The following TIAM2 variants were observed in gnomAD, a reference collection of about 807,000 sequenced individuals.
The protein encoded by TIAM2 is TIAM Rac1 associated GEF 2.
TIAM2 carries 80 observed loss-of-function variants against 152.9 expected under a neutral mutation model. The ratio of observed to expected loss-of-function variants is 0.52; its 90% confidence interval spans 0.44 to 0.63. TIAM2 has a LOEUF of 0.63. Ranked by LOEUF, TIAM2 falls within the 30% of genes least tolerant of loss-of-function variation. The probability of loss-of-function intolerance (pLI) is 0.00; values close to 1 mark genes in which losing one functional copy is unlikely to be tolerated. For missense variants in TIAM2, 1,965 were observed against 2,120.1 expected, an observed-to-expected ratio of 0.93 and a Z score of 1.44; for synonymous variants, 804 against 838.0, an observed-to-expected ratio of 0.96 and a Z score of 0.70.
intron 9 of TIAM2, among the ~76,000 whole-genome samples, chr6:155,169,210 T>C (rs1780516461): frequency 6.6e-6 from 1 of 152,136 alleles, no homozygotes; most frequent in African/African-American, 2.4e-5. Flanking sequence ...TTAGCCACGA[T>C]GGTCTCGATC....
At chr6:155,149,827 G>A (rs1425168889) in intron 7 of TIAM2, among the ~76,000 whole-genome samples, 1 of 151,950 alleles carries the variant, frequency 6.6e-6, no homozygotes, top group African/African-American at 2.4e-5. Context: ...GGAAGCTGAG[G>A]CAGGAGAATC....
At chr6:155,087,901 C>T (rs947336781) in intron 1 of TIAM2, among the ~76,000 whole-genome samples, 18 of 101,758 alleles carry the variant, frequency 1.8e-4, no homozygotes, top group African/African-American at 7.0e-4. Flanking sequence ...CTAATTATGT[C>T]GCCTTGGTCA....
At chr6:155,141,684 G>T (rs898217986) in intron 5 of TIAM2, among the ~76,000 whole-genome samples, 17 of 152,150 alleles carry the variant, frequency 1.1e-4, no homozygotes, top group African/African-American at 4.1e-4. Context: ...AGTTGGCAAG[G>T]TCATTAAACA....
intron 1 of TIAM2, among the ~76,000 whole-genome samples, chr6:155,025,821 A>ACAC (rs1776589501): frequency 7.6e-6 from 1 of 131,782 alleles, no homozygotes; most frequent in African/African-American, 2.9e-5. Flanking sequence ...CTCCCCCTCA[A>ACAC]ACACACACAC....
At chr6:155,253,540 GTGA>G (rs1248209605) in intron 24 of TIAM2, 1 of 175,638 alleles carries the variant, frequency 5.7e-6, no homozygotes, top group East Asian at 1.7e-4. Flanking sequence ...GAGTCATGCA[GTGA>G]CCTGCTGGGC....
In TIAM2 at chr6:155,139,015, C is replaced by T. The variant is rs575712265; in HGVS notation, c.1630+1403C>T. ...TATGCAGATGCACCCAGAGCGGCCT[C>T]GCAGCCTCTGGCATTCTGCACAGCC... On this transcript the variant is annotated intron_variant, in intron 5 of 26. Coordinates refer to ENST00000682666, the MANE Select transcript of TIAM2 (RefSeq NM_012454.4). 3.0e-3 allele frequency among the ~76,000 whole-genome samples: 461 copies of T among 152,340 alleles called. 2 individuals are homozygous for T. The highest frequency in any genetic ancestry group is 0.01 in the African/African-American group (421 of 41,578).
intron 15 of TIAM2, among the ~76,000 whole-genome samples, chr6:155,219,394 G>T (rs935745793): frequency 6.6e-6 from 1 of 152,118 alleles, no homozygotes; most frequent in African/African-American, 2.4e-5. Flanking sequence ...GCCGAGGAGG[G>T]CTTGCAGACT....
chr6:155,249,843 T>C lies in TIAM2; in HGVS notation c.3833-8T>C, dbSNP rs370130454. 6 of 1,598,322 alleles carry C rather than the reference T, an allele frequency of 3.8e-6. No individual in the cohort carries two copies. The African/African-American group carries it at 8.1e-5, about 21-fold the overall frequency. On this transcript the variant is annotated splice_region_variant and splice_polypyrimidine_tract_variant and intron_variant, in intron 20 of 26. Transcript: ENST00000682666. The stretch of plus-strand genomic sequence containing the variant: ...GTTATGAAATAAATATGATTTCATA[T>C]CTTGCAGAAGCACTAAAGGCAATGG...
rs899524871 is a variant in TIAM2 at position 155,215,092 on chromosome 6, G to A, written c.3168+3785G>A. On this transcript the variant is annotated intron_variant, in intron 15 of 26. Coordinates refer to ENST00000682666, the MANE Select transcript of TIAM2 (RefSeq NM_012454.4). ...ACACCGTGAGGGATAACGACTTCTC[G>A]TCTCTTATGATCTGCTTGAGTTACA... Among the ~76,000 whole-genome samples, 5 of 152,160 alleles carry A rather than the reference G, an allele frequency of 3.3e-5. 1 individual carries two copies. The South Asian group carries it at 6.2e-4, about 19-fold the overall frequency.
At chr6:155,193,990 T>TG (rs1388010397) in intron 14 of TIAM2, among the ~76,000 whole-genome samples, 2 of 152,220 alleles carry the variant, frequency 1.3e-5, no homozygotes, top group African/African-American at 4.8e-5. Context: ...GGAAGGGTCT[T>TG]GGTGACCCCA....
intron 14 of TIAM2, among the ~76,000 whole-genome samples, chr6:155,209,538 T>C (rs1781673665): frequency 6.6e-6 from 1 of 152,122 alleles, no homozygotes; most frequent in South Asian, 2.1e-4. Flanking sequence ...ATTAGGGGAC[T>C]AGAGGAGGCA....
intron 14 of TIAM2, among the ~76,000 whole-genome samples, chr6:155,208,301 C>A (rs147323395): frequency 6.6e-6 from 1 of 152,026 alleles, no homozygotes; most frequent in Admixed American, 6.6e-5. Context: ...TCTTTTTTGA[C>A]GGCCTTATAC....
intron 5 of TIAM2, among the ~76,000 whole-genome samples, chr6:155,141,575 G>A (rs1360343763): frequency 6.6e-6 from 1 of 152,166 alleles, no homozygotes; most frequent in Non-Finnish European, 1.5e-5. Flanking sequence ...AGGCTTTGGA[G>A]GATGTAATAA....
chr6:155,024,652 T>TAAAAA (rs58181899), intron 1 of TIAM2, among the ~76,000 whole-genome samples: 1 of 146,936 alleles, frequency 6.8e-6, no homozygotes, highest in Non-Finnish European at 1.5e-5. Flanking sequence ...TCCATGTCTT[T>TAAAAA]AAAAAAAAAA....
intron 21 of TIAM2, chr6:155,250,529 T>C: frequency 6.5e-7 from 1 of 1,535,698 alleles, no homozygotes; most frequent in Non-Finnish European, 8.7e-7. Context: ...GCTGGTGCTC[T>C]TTTATCAGCA....
chr6:155,126,195 C>T (rs1339940966), intron 2 of TIAM2, among the ~76,000 whole-genome samples: 1 of 152,194 alleles, frequency 6.6e-6, no homozygotes, highest in Non-Finnish European at 1.5e-5. Context: ...AACTTGAGGG[C>T]ATTATACTAA....
At chr6:155,044,027 G>A (rs1777105869) in intron 1 of TIAM2, among the ~76,000 whole-genome samples, 1 of 152,140 alleles carries the variant, frequency 6.6e-6, no homozygotes, top group South Asian at 2.1e-4. Flanking sequence ...TGTGGATATT[G>A]GCCAAAACAT....
chr6:155,188,349 G>A (rs541423571), intron 14 of TIAM2, among the ~76,000 whole-genome samples: 3 of 152,284 alleles, frequency 2.0e-5, no homozygotes, highest in Non-Finnish European at 4.4e-5. Flanking sequence ...TGTGAGGAGC[G>A]GAAGAGACAG....
At chr6:155,117,834 G>C (rs1779050937) in intron 2 of TIAM2, among the ~76,000 whole-genome samples, 1 of 152,192 alleles carries the variant, frequency 6.6e-6, no homozygotes, top group Non-Finnish European at 1.5e-5. Flanking sequence ...TTTGGGAAGG[G>C]ATGGTGTCAT....
Sources: gnomAD v4.1 joint callset for allele counts (sites outside exome capture counted in the v4.1 genomes callset) on GRCh38, gnomAD v4.1.1 for gene constraint, MANE v1.5 for transcripts, NCBI Gene and HGNC (gene_info 2026-07-23, HGNC 2026-07-21) for gene names.